ETV4: variants seen among roughly 807,000 people sequenced by gnomAD.
ETV4 encodes ETS variant transcription factor 4, also known as ETS translocation variant 4.
Under a neutral mutation model 65.9 loss-of-function variants are expected in ETV4, and 42 were observed. The ratio of observed to expected loss-of-function variants is 0.64; its 90% CI spans 0.50 to 0.82. The LOEUF (loss-of-function observed/expected upper bound fraction) is 0.82, where lower values mean the gene tolerates loss of function less well. Among genes scored for constraint, ETV4 ranks in the 40% least tolerant of loss-of-function variants. ETV4 has a pLI of 0.00. For synonymous variants in ETV4, 238 were observed against 260.0 expected (o/e 0.92, Z 0.81); for missense variants, 583 against 630.3 (o/e 0.92, Z 0.80).
rs1279315878 is a variant in ETV4, at chr17:43,529,253, T to G, written c.1129-17A>C. ...CCTGGCGACCTGGGAACAAAACAGT[T>G]TTGGGGTAGAGATGCTACCTTGGCA... is the stretch of plus-strand genomic sequence containing the variant. On this transcript the variant is annotated splice_polypyrimidine_tract_variant and intron_variant, in intron 11 of 12. Coordinates refer to ENST00000319349, the MANE Select transcript of ETV4 (RefSeq NM_001079675.5). 3.1e-6 allele frequency: 5 copies of G among 1,613,218 alleles called. No homozygotes were observed. The highest frequency in any genetic ancestry group is 1.3e-5 in the African/African-American group (1 of 74,818).
chr17:43,543,872 A>C (rs1232786017), intron 4 of ETV4: 1 of 152,190 alleles, frequency 6.6e-6, no homozygotes, highest in African/African-American at 2.4e-5. Context: ...ATAGTGGGCA[A>C]GACAGACCTA....
chr17:43,539,895 T>G (rs1971435673), intron 4 of ETV4, among the ~76,000 whole-genome samples: 1 of 152,344 alleles, frequency 6.6e-6, no homozygotes, highest in Middle Eastern at 3.4e-3. Context: ...CTTATATTAA[T>G]AGATAGTTGA....
rs1374226709 is a variant in ETV4 at position 43,536,783 on chromosome 17, G to A, written c.203-304C>T. ...TACCCTGGGCTGAAAGTGGCCCACA[G>A]GCCCACGGGTTGGACAAGCTTGCTT... is the stretch of plus-strand genomic sequence containing the variant. On this transcript the variant is annotated intron_variant, in intron 4 of 12. Coordinates refer to ENST00000319349, the MANE Select transcript of ETV4 (RefSeq NM_001079675.5). Among the ~76,000 whole-genome samples, 6 of 152,266 alleles carry A rather than the reference G, an allele frequency of 3.9e-5. 1 individual carries two copies. The highest frequency in any genetic ancestry group is 4.1e-4 in the South Asian group (2 of 4,838).
Position 43,532,843 on chromosome 17 carries a change from C to G in ETV4, c.642G>C (p.Ser214=). 1 of 1,613,630 alleles carries G rather than the reference C, an allele frequency of 6.2e-7. No homozygotes were observed. Among genetic ancestry groups the G allele is most frequent in the Non-Finnish European group, 8.5e-7 (1 of 1,179,786 alleles). The change falls in exon 8 of 13, where the codon TCG becomes TCC. Residue 214 remains serine (S), a synonymous_variant. Transcript: ENST00000319349. ...GCTGGGGATAGGGTGGGCAGGGCTC[C>G]GACAGCTGGTGTTGGTAGGGGGCTG... ...PLPAPYQHQL[S]EPCPPYPQQS...
rs949569073 is a variant in ETV4 at position 43,536,561 on chromosome 17, T to G, written c.203-82A>C. ...GCTCCATTATTACAGCCCTGCAGAT[T>G]AGCAACAGCCAAGAAAGGACCAACA... is the stretch of plus-strand genomic sequence containing the variant. On this transcript the variant is annotated intron_variant, in intron 4 of 12. Coordinates refer to ENST00000319349, the MANE Select transcript of ETV4 (RefSeq NM_001079675.5). 8 of 1,243,496 alleles carry G rather than the reference T, an allele frequency of 6.4e-6. No individual in the cohort carries two copies. In the African/African-American group the frequency reaches 1.0e-4, roughly 16 times the overall value. 77.0% of individuals were successfully genotyped at this position (1,243,496 alleles called of 1,614,324 possible). A position where few individuals can be genotyped will look rare whatever the true frequency, so the allele number is the denominator to read the frequency against.
At chr17:43,530,505 G>T in intron 8 of ETV4, 1 of 1,153,136 alleles carries the variant, frequency 8.7e-7, no homozygotes, top group Non-Finnish European at 1.1e-6. Context: ...GGGAGGGTGA[G>T]ATGAACGTCC....
At chr17:43,541,540 G>C (rs927281875) in intron 4 of ETV4, among the ~76,000 whole-genome samples, 1 of 151,916 alleles carries the variant, frequency 6.6e-6, no homozygotes, top group Non-Finnish European at 1.5e-5. Flanking sequence ...AGGGGGGTTA[G>C]TAAAAAAAGA....
chr17:43,541,407 G>T (rs533029068), intron 4 of ETV4, among the ~76,000 whole-genome samples: 1 of 152,312 alleles, frequency 6.6e-6, no homozygotes, highest in African/African-American at 2.4e-5. Flanking sequence ...CTCCATCCCG[G>T]TACTAAGATG....
At chr17:43,536,321 G>T in intron 5 of ETV4, 105 bp downstream of exon 5, 1 of 1,010,568 alleles carries the variant, frequency 9.9e-7, no homozygotes, top group Non-Finnish European at 1.5e-6. Flanking sequence ...AAACCCCACT[G>T]TGTTTTAGGA....
chr17:43,545,167 G>T, intron 3 of ETV4, 107 bp downstream of exon 3: 2 of 1,265,056 alleles, frequency 1.6e-6, no homozygotes, highest in Non-Finnish European at 2.3e-6. Context: ...GTTTTTTGGG[G>T]AAACAGGCGG....
chr17:43,531,248 A>G (rs1970919021), intron 8 of ETV4, among the ~76,000 whole-genome samples: 1 of 152,222 alleles, frequency 6.6e-6, no homozygotes, highest in African/African-American at 2.4e-5. Context: ...ATCTAGGGCT[A>G]CTAATGTAAC....
At chr17:43,532,413 C>T (rs1970990523) in intron 8 of ETV4, among the ~76,000 whole-genome samples, 1 of 151,912 alleles carries the variant, frequency 6.6e-6, no homozygotes, top group African/African-American at 2.4e-5. Flanking sequence ...GCACAAGAAT[C>T]GCTTGAACCC....
rs1567710629 is a variant in ETV4 at position 43,533,943 on chromosome 17, T to C, written c.299A>G (p.Gln100Arg). ...SPTTRIKKEP[Q>R]SPRTDPALSC... ...CAGGGCCGGGTCTGTGCGGGGACTC[T>C]GGGGCTCCTTCTTGATCCTGGTGGT... Residue 100 changes from glutamine (Q) to arginine (R), a missense_variant, in exon 6 of 13, where the codon CAG (glutamine) becomes CGG (arginine). By Grantham distance (43) the Gln-to-Arg change is conservative. Coordinates refer to ENST00000319349, the MANE Select transcript of ETV4 (RefSeq NM_001079675.5). 3 of 1,549,680 alleles carry C rather than the reference T, an allele frequency of 1.9e-6. No individual in the cohort carries two copies. Among genetic ancestry groups the C allele is most frequent in the Middle Eastern group, 1.7e-4 (1 of 5,806 alleles).
At chr17:43,530,633 T>A (rs978081498) in intron 8 of ETV4, among the ~76,000 whole-genome samples, 20 of 146,450 alleles carry the variant, frequency 1.4e-4, no homozygotes, top group Admixed American at 6.2e-4. Flanking sequence ...TGTGTGTGTG[T>A]GTGACAGAAA....
intron 7 of ETV4, 81 bp downstream of exon 7, chr17:43,533,106 C>T (rs1187653453): frequency 1.3e-6 from 2 of 1,552,206 alleles, no homozygotes; most frequent in African/African-American, 1.4e-5. Flanking sequence ...TACCACCCCA[C>T]AGCTCAAGTC....
In ETV4 at chr17:43,532,951, T is replaced by TGGATG. The variant is rs753305483; in HGVS notation, c.546-17_546-13dup. ...GCTGGAAGACGGAGCTGGATGTGGT[T>TGGATG]GGATGGAGAAGGAAGAGAAGAGAAC... On this transcript the variant is annotated splice_polypyrimidine_tract_variant and intron_variant, in intron 7 of 12. Coordinates refer to ENST00000319349, the MANE Select transcript of ETV4 (RefSeq NM_001079675.5). 5.8e-6 allele frequency: 9 copies of TGGATG among 1,553,102 alleles called. No homozygotes were observed. In the East Asian group the frequency reaches 1.8e-4, roughly 31 times the overall value.
At position 43,529,082 on chromosome 17, in the gene ETV4, C is replaced by T. The variant is rs1970742138; in HGVS notation, c.1230+53G>A. ...CCCTGCTGACCCTCTCCCCAGTCAGCTTCTCACAGCCACTGCCCCCCACCA... is the reference window on the plus strand; with the variant it reads ...CCCTGCTGACCCTCTCCCCAGTCAGTTTCTCACAGCCACTGCCCCCCACCA... On this transcript the variant is annotated intron_variant, in intron 12 of 12. Coordinates refer to ENST00000319349, the MANE Select transcript of ETV4 (RefSeq NM_001079675.5). The T allele has an allele frequency of 3.9e-6, 6 of 1,553,750 alleles. No homozygotes were observed. In the East Asian group the frequency reaches 1.1e-4, roughly 29 times the overall value.
At chr17:43,537,015 A>C (rs1454856657) in intron 4 of ETV4, among the ~76,000 whole-genome samples, 1 of 152,160 alleles carries the variant, frequency 6.6e-6, no homozygotes, top group Non-Finnish European at 1.5e-5. Flanking sequence ...AGCTCACAAC[A>C]GTCATATCTA....
At chr17:43,537,291 G>A (rs1366111981) in intron 4 of ETV4, among the ~76,000 whole-genome samples, 2 of 152,178 alleles carry the variant, frequency 1.3e-5, no homozygotes, top group African/African-American at 4.8e-5. Context: ...CTTGAACCTG[G>A]GAGGCAGAGG....
Sources: allele counts gnomAD v4.1 joint callset (sites outside exome capture counted in the v4.1 genomes callset), GRCh38; gene constraint gnomAD v4.1.1; transcripts MANE v1.5; gene names NCBI Gene and HGNC (gene_info 2026-07-23, HGNC 2026-07-21).